LINGO2: variants seen among roughly 807,000 people sequenced by gnomAD.
The protein encoded by LINGO2 is leucine rich repeat and Ig domain containing 2, also known as leucine-rich repeat and immunoglobulin-like domain-containing nogo receptor-interacting protein 2.
In LINGO2, 14 loss-of-function variants were observed where a neutral mutation model predicts 30.6. That is an observed-to-expected ratio of 0.46 (90% CI 0.30 to 0.72). The LOEUF is 0.72. Ranked by LOEUF, LINGO2 falls within the 30% of genes least tolerant of loss-of-function variation. LINGO2 has a pLI of 0.07. For synonymous variants in LINGO2, 317 were observed against 288.5 expected (o/e 1.10, Z -1.00); for missense variants, 729 against 751.7 (o/e 0.97, Z 0.35).
chr9:28,442,061 G>A (rs186318188), intron 2 of LINGO2, among the ~76,000 whole-genome samples: 185 of 150,628 alleles, frequency 1.2e-3, no homozygotes, highest in Admixed American at 6.4e-3. Flanking sequence ...TATTTGATTT[G>A]TTTGAATTTT....
At chr9:29,107,905 T>TA in the LINGO2 span, among the ~76,000 whole-genome samples, 24,569 of 148,862 alleles carry the variant, frequency 0.17, 2,495 homozygotes, top group African/African-American at 0.29. Context: ...ACCTGAAAAT[T>TA]AAAAAAAAAA....
intron 1 of LINGO2, among the ~76,000 whole-genome samples, chr9:28,561,050 C>G (rs113004029): frequency 2.6e-5 from 4 of 152,100 alleles, no homozygotes; most frequent in African/African-American, 9.6e-5. Context: ...TTTTTCCAAA[C>G]AAAATTGCCA....
chr9:28,214,688 T>C (rs35296803), intron 4 of LINGO2, among the ~76,000 whole-genome samples: 13,539 of 151,588 alleles, frequency 0.089, 731 homozygotes, highest in Middle Eastern at 0.15. Flanking sequence ...AGCTATTTTA[T>C]ATATGAAGGA....
chr9:28,729,502 A>G, the LINGO2 span, among the ~76,000 whole-genome samples: 3 of 152,126 alleles, frequency 2.0e-5, no homozygotes, highest in Admixed American at 6.5e-5. Flanking sequence ...ATACATCATT[A>G]AATATTGGCA....
chr9:28,601,720 C>G (rs1405439447), intron 1 of LINGO2, among the ~76,000 whole-genome samples: 4 of 152,090 alleles, frequency 2.6e-5, no homozygotes, highest in African/African-American at 9.7e-5. Context: ...AGATAAAACT[C>G]CTGCTGAGAA....
At chr9:28,847,744 A>G in the LINGO2 span, among the ~76,000 whole-genome samples, 1 of 97,162 alleles carries the variant, frequency 1.0e-5, no homozygotes, top group Non-Finnish European at 2.2e-5. Context: ...GTATATATAT[A>G]TGTTATATAT....
At chr9:28,046,809 C>T (rs1824442541) in intron 4 of LINGO2, among the ~76,000 whole-genome samples, 1 of 152,134 alleles carries the variant, frequency 6.6e-6, no homozygotes, top group African/African-American at 2.4e-5. Flanking sequence ...TGGCCAAGAA[C>T]ACAACATTGT....
intron 4 of LINGO2, among the ~76,000 whole-genome samples, chr9:28,163,639 A>G (rs1828347436): frequency 1.3e-5 from 2 of 152,188 alleles, no homozygotes; most frequent in Admixed American, 1.3e-4. Flanking sequence ...AAAGGCAAAA[A>G]TAAATAAAAA....
chr9:28,387,848 C>G (rs954499121), intron 2 of LINGO2, among the ~76,000 whole-genome samples: 1 of 152,100 alleles, frequency 6.6e-6, no homozygotes, highest in South Asian at 2.1e-4. Flanking sequence ...CACGAACCCA[C>G]CAGAAGGAAG....
At chr9:28,070,145 CTTTAGGTGG>C (rs1160202389) in intron 4 of LINGO2, among the ~76,000 whole-genome samples, 2 of 152,166 alleles carry the variant, frequency 1.3e-5, no homozygotes, top group Admixed American at 1.3e-4. Flanking sequence ...GAGTTACCCA[CTTTAGGTGG>C]TTTAAGGACC....
the LINGO2 span, among the ~76,000 whole-genome samples, chr9:28,955,809 G>T: frequency 1.3e-5 from 2 of 151,862 alleles, no homozygotes; most frequent in African/African-American, 4.8e-5. Context: ...AACCACTTTG[G>T]ATGTATGTAT....
At chr9:28,793,509 CCT>C in the LINGO2 span, among the ~76,000 whole-genome samples, 2 of 152,060 alleles carry the variant, frequency 1.3e-5, no homozygotes, top group Non-Finnish European at 2.9e-5. Context: ...TAAATTTTAC[CCT>C]GATATATTCC....
intron 4 of LINGO2, among the ~76,000 whole-genome samples, chr9:28,190,821 T>G (rs1181197818): frequency 6.6e-6 from 1 of 152,162 alleles, no homozygotes; most frequent in South Asian, 2.1e-4. Flanking sequence ...TAGTCCAAAC[T>G]AACTGATAAT....
At chr9:28,240,631 C>G (rs1302106613) in intron 4 of LINGO2, among the ~76,000 whole-genome samples, 1 of 151,964 alleles carries the variant, frequency 6.6e-6, no homozygotes, top group African/African-American at 2.4e-5. Context: ...TTATCTTATG[C>G]AAAAATCAAA....
At chr9:28,383,424 T>A (rs1821439705) in intron 2 of LINGO2, among the ~76,000 whole-genome samples, 1 of 151,986 alleles carries the variant, frequency 6.6e-6, no homozygotes, top group South Asian at 2.1e-4. Context: ...AAGTCCGTGA[T>A]CACATTGGAG....
chr9:28,289,609 A>G (rs1823644113), intron 4 of LINGO2, among the ~76,000 whole-genome samples: 1 of 152,176 alleles, frequency 6.6e-6, no homozygotes, highest in South Asian at 2.1e-4. Context: ...ATCATTATTT[A>G]CCTTCAAAAC....
At chr9:29,063,541 G>C in the LINGO2 span, among the ~76,000 whole-genome samples, 1 of 151,782 alleles carries the variant, frequency 6.6e-6, no homozygotes, top group Non-Finnish European at 1.5e-5. Flanking sequence ...TGGGATTACA[G>C]AGGTCTGCCA....
At chr9:28,307,740 T>C (rs1371496746) in intron 3 of LINGO2, among the ~76,000 whole-genome samples, 1 of 152,122 alleles carries the variant, frequency 6.6e-6, no homozygotes, top group Non-Finnish European at 1.5e-5. Context: ...ATTCTCAGGA[T>C]ACAAAATCAA....
chr9:28,662,175 G>A (rs1239190488), intron 1 of LINGO2, among the ~76,000 whole-genome samples: 1 of 152,116 alleles, frequency 6.6e-6, no homozygotes, highest in Admixed American at 6.6e-5. Flanking sequence ...AAGATTCCAA[G>A]GATGCTAGGT....
Sources: gnomAD v4.1 joint callset for allele counts (sites outside exome capture counted in the v4.1 genomes callset) on GRCh38, gnomAD v4.1.1 for gene constraint, MANE v1.5 for transcripts, NCBI Gene and HGNC (gene_info 2026-07-23, HGNC 2026-07-21) for gene names.